The following NTNG2 variants were observed in gnomAD, a reference collection of about 807,000 sequenced individuals.
NTNG2 encodes the protein netrin-G2.
NTNG2 carries 15 observed loss-of-function variants against 47.6 expected under a neutral mutation model. The ratio of observed to expected loss-of-function variants is 0.32; its 90% CI spans 0.21 to 0.49. The LOEUF (loss-of-function observed/expected upper bound fraction) is 0.49. Among genes scored for constraint, NTNG2 ranks in the 20% least tolerant of loss-of-function variants. The pLI is 0.99. For synonymous variants in NTNG2, 307 were observed against 324.6 expected (o/e 0.95, Z 0.58); for missense variants, 578 against 764.6 (o/e 0.76, Z 2.88).
intron 1 of NTNG2, among the ~76,000 whole-genome samples, chr9:132,164,732 CG>C (rs1835377417): frequency 6.6e-6 from 1 of 152,216 alleles, no homozygotes; most frequent in South Asian, 2.1e-4. Flanking sequence ...AGAGGTGAGA[CG>C]GGGAAAATGG....
rs760310055 is a variant in NTNG2 at position 132,238,919 on chromosome 9, C to T, written c.1055-185C>T. The stretch of plus-strand genomic sequence containing the variant: ...CTCAGGTTCTCCTCTGGGCTCAAAG[C>T]AGGGAGGCCTCTCTCTTCCTGAATC... On this transcript the variant is annotated intron_variant, in intron 5 of 7. Coordinates refer to ENST00000393229, the MANE Select transcript of NTNG2 (RefSeq NM_032536.4). 11 of 679,360 alleles carry T rather than the reference C, an allele frequency of 1.6e-5. No individual in the cohort carries two copies. The South Asian group carries it at 1.7e-4, about 11-fold the overall frequency. The allele number at this position is 679,360 out of a possible 1,614,324, so 42.1% of individuals were successfully genotyped here. A position where few individuals can be genotyped will look rare whatever the true frequency, so the allele number is the denominator to read the frequency against.
At chr9:132,172,374 C>T (rs953785643) in intron 2 of NTNG2, among the ~76,000 whole-genome samples, 2 of 152,176 alleles carry the variant, frequency 1.3e-5, no homozygotes, top group Non-Finnish European at 2.9e-5. Flanking sequence ...TTTAGAATCC[C>T]GTGCTGTGTG....
At chr9:132,201,125 G>A (rs763965603) in intron 3 of NTNG2, among the ~76,000 whole-genome samples, 36 of 152,226 alleles carry the variant, frequency 2.4e-4, no homozygotes, top group Non-Finnish European at 3.7e-4. Context: ...CTCATGTCTG[G>A]GCCAGCTGTA....
chr9:132,207,629 C>A (rs1180343246), intron 3 of NTNG2, among the ~76,000 whole-genome samples: 1 of 152,208 alleles, frequency 6.6e-6, no homozygotes, highest in Non-Finnish European at 1.5e-5. Flanking sequence ...CACTGGGGGT[C>A]AGGATGTCAA....
At chr9:132,225,814 G>A (rs1002360236) in intron 3 of NTNG2, among the ~76,000 whole-genome samples, 10 of 152,078 alleles carry the variant, frequency 6.6e-5, no homozygotes, top group East Asian at 3.8e-4. Flanking sequence ...TCCTTTTTCC[G>A]TATCAATTTT....
intron 3 of NTNG2, among the ~76,000 whole-genome samples, chr9:132,217,391 C>T (rs1840064690): frequency 6.6e-6 from 1 of 152,152 alleles, no homozygotes; most frequent in South Asian, 2.1e-4. Context: ...TTCCAGGAGC[C>T]TGAGTCTATC....
chr9:132,162,568 G>GAC lies in NTNG2; in HGVS notation c.-484+330_-484+331insCA, dbSNP rs1835131533. 2.4e-5 allele frequency among the ~76,000 whole-genome samples: 3 copies of GAC among 127,160 alleles called. No individual in the cohort carries two copies. The highest frequency in any genetic ancestry group is 2.6e-4 in the South Asian group (1 of 3,860). The allele number at this position is 127,160 out of a possible 152,430, so 83.4% of individuals were successfully genotyped here. A position where few individuals can be genotyped will look rare whatever the true frequency, so the allele number is the denominator to read the frequency against. ...TGTGTGTGTGTGTGAGAGAGAGACA[G>GAC]AGTGTGTGTGTGTGTGTGTGTGTGT... On this transcript the variant is annotated intron_variant, in intron 1 of 7. Coordinates refer to ENST00000393229, the MANE Select transcript of NTNG2 (RefSeq NM_032536.4). The surrounding 1 kb of genome is among the most constrained non-coding windows in gnomAD (Gnocchi z 4.6).
At chr9:132,193,318 A>T (rs1230467874) in intron 2 of NTNG2, among the ~76,000 whole-genome samples, 1 of 152,226 alleles carries the variant, frequency 6.6e-6, no homozygotes, top group African/African-American at 2.4e-5. Flanking sequence ...GTCCAGGCCC[A>T]ATATGCAGGC....
intron 2 of NTNG2, among the ~76,000 whole-genome samples, chr9:132,178,541 AG>A (rs961900012): frequency 5.3e-5 from 8 of 152,114 alleles, no homozygotes; most frequent in Non-Finnish European, 1.0e-4. Flanking sequence ...CGCCCAGGAA[AG>A]GGGACCCCAG....
At chr9:132,189,796 T>C (rs1158263637) in intron 2 of NTNG2, among the ~76,000 whole-genome samples, 1 of 151,860 alleles carries the variant, frequency 6.6e-6, no homozygotes, top group Non-Finnish European at 1.5e-5. Flanking sequence ...CGAAACGCTA[T>C]GCCCAACTAA....
rs980636386 is a variant in NTNG2 at position 132,208,343 on chromosome 9, C to T, written c.857+9734C>T. On this transcript the variant is annotated intron_variant, in intron 3 of 7. Coordinates refer to ENST00000393229, the MANE Select transcript of NTNG2 (RefSeq NM_032536.4). The surrounding 1 kb of genome is among the most constrained non-coding windows in gnomAD (Gnocchi z 4.0). ...AAGAAGAGCAGGCAGGGCCAGATCACGCCAGCCCTGCAGCCCCGGGAGGAA... is the reference window on the plus strand; with the variant it reads ...AAGAAGAGCAGGCAGGGCCAGATCATGCCAGCCCTGCAGCCCCGGGAGGAA... Among the ~76,000 whole-genome samples, 4 of 152,200 alleles carry T rather than the reference C, an allele frequency of 2.6e-5. No individual in the cohort carries two copies. The highest frequency in any genetic ancestry group is 2.1e-4 in the South Asian group (1 of 4,814).
chr9:132,220,010 C>T (rs1464975209), intron 3 of NTNG2, among the ~76,000 whole-genome samples: 5 of 152,208 alleles, frequency 3.3e-5, no homozygotes, highest in African/African-American at 4.8e-5. Context: ...GGTGATTATC[C>T]GTCTTTTTGA....
chr9:132,222,731 T>C (rs1840432861), intron 3 of NTNG2, among the ~76,000 whole-genome samples: 1 of 152,172 alleles, frequency 6.6e-6, no homozygotes, highest in Non-Finnish European at 1.5e-5. Context: ...CTCCTCCTCC[T>C]GGGAGGAAAG....
At chr9:132,187,872 G>C (rs10901135) in intron 2 of NTNG2, among the ~76,000 whole-genome samples, 49,823 of 152,092 alleles carry the variant, frequency 0.33, 8,246 homozygotes, top group East Asian at 0.37. Context: ...CGCAGAACTT[G>C]AGACTTTAGG....
In NTNG2 at chr9:132,227,142, C is replaced by T. The variant is rs879101074; in HGVS notation, c.1030+121C>T. On this transcript the variant is annotated intron_variant, in intron 4 of 7. Transcript: ENST00000393229. ...CTGCACACAGGCACATACGTGTGCA[C>T]ATGCATGCAAACGTGCACACAGAAA... 2.6e-5 allele frequency: 28 copies of T among 1,084,362 alleles called. No homozygotes were observed. The South Asian group carries it at 4.8e-4, about 18-fold the overall frequency. The allele number at this position is 1,084,362 out of a possible 1,614,324, so 67.2% of individuals were successfully genotyped here. A position where few individuals can be genotyped will look rare whatever the true frequency, so the allele number is the denominator to read the frequency against.
At chr9:132,173,338 G>T (rs1041425691) in intron 2 of NTNG2, among the ~76,000 whole-genome samples, 1 of 152,158 alleles carries the variant, frequency 6.6e-6, no homozygotes, top group Non-Finnish European at 1.5e-5. Context: ...TGAGAAGACC[G>T]AGGCCCGGGG....
chr9:132,169,752 C>G (rs1835757918), intron 2 of NTNG2, among the ~76,000 whole-genome samples: 1 of 152,194 alleles, frequency 6.6e-6, no homozygotes, highest in Non-Finnish European at 1.5e-5. Context: ...GTGGTACGTG[C>G]GGACACATAG....
At chr9:132,206,153 G>C (rs1278151771) in intron 3 of NTNG2, among the ~76,000 whole-genome samples, 1 of 152,160 alleles carries the variant, frequency 6.6e-6, no homozygotes, top group Non-Finnish European at 1.5e-5. Context: ...ATCACAGAGG[G>C]CCTGGAGGTT....
In NTNG2 at chr9:132,236,075, C is replaced by T. The variant is rs1422224381; in HGVS notation, c.1055-3029C>T. Among the ~76,000 whole-genome samples, 1 of 152,254 alleles carries T rather than the reference C, an allele frequency of 6.6e-6. No homozygotes were observed. Among genetic ancestry groups the T allele is most frequent in the Non-Finnish European group, 1.5e-5 (1 of 68,036 alleles). On this transcript the variant is annotated intron_variant, in intron 5 of 7. Transcript: ENST00000393229. This position sits in a 1 kb window ranked among gnomAD's most constrained non-coding sequence, Gnocchi z 4.3. The stretch of plus-strand genomic sequence containing the variant: ...CGCCTCCCACGACAGGAACCCCCCT[C>T]TCCAGCTGCCCTTGCTCACAGGACA...
Sources: allele counts gnomAD v4.1 joint callset (sites outside exome capture counted in the v4.1 genomes callset), GRCh38; gene constraint gnomAD v4.1.1; non-coding constraint Gnocchi (gnomAD v3.1); transcripts MANE v1.5; gene names NCBI Gene and HGNC (gene_info 2026-07-23, HGNC 2026-07-21).